CDK14: variants seen among roughly 807,000 people sequenced by gnomAD.
CDK14 encodes the protein cyclin-dependent kinase 14.
CDK14 carries 34 observed loss-of-function variants against 60.7 expected under a neutral mutation model. That is an observed-to-expected ratio of 0.56 (90% confidence interval 0.43 to 0.75). The LOEUF (loss-of-function observed/expected upper bound fraction) is 0.75, where lower values mean the gene tolerates loss of function less well. Ranked by LOEUF, CDK14 falls within the 30% of genes least tolerant of loss-of-function variation. CDK14 has a pLI of 0.00. For missense variants in CDK14, 482 were observed against 564.1 expected, an observed-to-expected ratio of 0.85 and a Z score of 1.47; for synonymous variants, 197 against 203.7, an observed-to-expected ratio of 0.97 and a Z score of 0.28.
At chr7:90,619,943 C>T (rs960623013) in intron 2 of CDK14, among the ~76,000 whole-genome samples, 6 of 152,208 alleles carry the variant, frequency 3.9e-5, no homozygotes, top group African/African-American at 1.4e-4. Flanking sequence ...TTGTAGTGAG[C>T]CGAGATTGTG....
intron 5 of CDK14, among the ~76,000 whole-genome samples, chr7:90,830,531 C>G (rs1404370085): frequency 1.3e-5 from 2 of 152,196 alleles, no homozygotes; most frequent in Non-Finnish European, 2.9e-5. Context: ...GCCCTGGATA[C>G]GTTTTCCCCA....
intron 8 of CDK14, among the ~76,000 whole-genome samples, chr7:90,921,500 C>T (rs1793250299): frequency 2.6e-5 from 4 of 151,836 alleles, no homozygotes; most frequent in East Asian, 1.9e-4. Flanking sequence ...TTGGAAGTTC[C>T]GTGAAGGCGG....
In CDK14 at chr7:90,782,133, A is replaced by G. The variant is rs1483391676; in HGVS notation, c.465-8440A>G. ...AGTTCTCCTTGAAGAGGTCCTTCAC[A>G]TCCCTTGTAAGTTGGATTCCTAGGT... On this transcript the variant is annotated intron_variant, in intron 4 of 14. Coordinates refer to ENST00000380050, the MANE Select transcript of CDK14 (RefSeq NM_001287135.2). 1.3e-4 allele frequency among the ~76,000 whole-genome samples: 20 copies of G among 152,048 alleles called. 2 individuals are homozygous for G. The highest frequency in any genetic ancestry group is 2.1e-4 in the Non-Finnish European group (14 of 67,916).
At position 90,638,657 on chromosome 7, in the gene CDK14, C is replaced by A. The variant is rs556219434; in HGVS notation, c.123+34408C>A. Among the ~76,000 whole-genome samples the A allele has an allele frequency of 4.6e-5, 7 of 152,250 alleles. No individual in the cohort carries two copies. In the South Asian group the frequency reaches 1.0e-3, roughly 23 times the overall value. On this transcript the variant is annotated intron_variant, in intron 2 of 14. Coordinates refer to ENST00000380050, the MANE Select transcript of CDK14 (RefSeq NM_001287135.2). The stretch of plus-strand genomic sequence containing the variant: ...TATCTTTGTGGCGTTCTCTGTATTT[C>A]CTGAATCTGAACGTTGGCCTGCCTT...
chr7:91,031,679 A>C (rs1211301048), intron 10 of CDK14, among the ~76,000 whole-genome samples: 1 of 152,218 alleles, frequency 6.6e-6, no homozygotes, highest in Non-Finnish European at 1.5e-5. Flanking sequence ...ATTAAAATAA[A>C]ATTCCCTGCA....
intron 5 of CDK14, among the ~76,000 whole-genome samples, chr7:90,849,626 G>A (rs1790580779): frequency 1.3e-5 from 2 of 151,994 alleles, no homozygotes; most frequent in Admixed American, 6.5e-5. Flanking sequence ...GAAGGGGCCA[G>A]TTGTGTAGCT....
At chr7:91,014,559 A>G (rs1796249045) in intron 10 of CDK14, among the ~76,000 whole-genome samples, 2 of 152,160 alleles carry the variant, frequency 1.3e-5, no homozygotes, top group Admixed American at 1.3e-4. Flanking sequence ...TTTTTATTAG[A>G]AGACTATGTT....
chr7:90,817,535 G>T (rs1300752304), intron 5 of CDK14, among the ~76,000 whole-genome samples: 1 of 152,052 alleles, frequency 6.6e-6, no homozygotes, highest in Non-Finnish European at 1.5e-5. Flanking sequence ...AAATTATTTA[G>T]GATTATAAAA....
chr7:90,876,489 A>C (rs979344651), intron 6 of CDK14, among the ~76,000 whole-genome samples: 2 of 152,258 alleles, frequency 1.3e-5, no homozygotes, highest in Admixed American at 6.5e-5. Context: ...TTCGACTTCC[A>C]TATATAGACT....
chr7:90,740,576 G>T (rs1048796271), intron 3 of CDK14, among the ~76,000 whole-genome samples: 2 of 152,102 alleles, frequency 1.3e-5, no homozygotes, highest in African/African-American at 4.8e-5. Context: ...CAACGTGAGA[G>T]GACTCAGGAG....
intron 9 of CDK14, among the ~76,000 whole-genome samples, chr7:90,960,118 G>A (rs1048816756): frequency 3.9e-5 from 6 of 151,958 alleles, no homozygotes; most frequent in African/African-American, 9.7e-5. Context: ...AAGCTGTTGA[G>A]GTCATTGTTC....
chr7:90,971,097 G>T (rs1047414713), intron 9 of CDK14, among the ~76,000 whole-genome samples: 1 of 148,318 alleles, frequency 6.7e-6, no homozygotes, highest in East Asian at 2.1e-4. Context: ...AACAGTCCCC[G>T]GTGTGTGTCC....
At chr7:90,619,737 T>C (rs1349877095) in intron 2 of CDK14, among the ~76,000 whole-genome samples, 1 of 152,210 alleles carries the variant, frequency 6.6e-6, no homozygotes, top group Non-Finnish European at 1.5e-5. Flanking sequence ...GGCTCACACC[T>C]GTAATCCCAG....
At chr7:90,696,495 C>G (rs990451850) in intron 2 of CDK14, among the ~76,000 whole-genome samples, 1 of 151,982 alleles carries the variant, frequency 6.6e-6, no homozygotes, top group South Asian at 2.1e-4. Context: ...CATGCACCAC[C>G]ATGCCTGGTT....
At chr7:90,978,978 A>G (rs1407951767) in intron 9 of CDK14, among the ~76,000 whole-genome samples, 1 of 152,168 alleles carries the variant, frequency 6.6e-6, no homozygotes, top group African/African-American at 2.4e-5. Context: ...CAAGTGGAGC[A>G]TAACATAGGT....
chr7:90,844,412 G>A (rs766533719), intron 5 of CDK14, among the ~76,000 whole-genome samples: 5 of 152,152 alleles, frequency 3.3e-5, no homozygotes, highest in Non-Finnish European at 7.4e-5. Flanking sequence ...AACTAATACT[G>A]TGTTCGTCTG....
chr7:90,952,364 A>G (rs1188664673), intron 8 of CDK14, among the ~76,000 whole-genome samples: 1 of 152,150 alleles, frequency 6.6e-6, no homozygotes, highest in Non-Finnish European at 1.5e-5. Context: ...GAATTTTTTT[A>G]TTGGATAAGA....
intron 4 of CDK14, among the ~76,000 whole-genome samples, chr7:90,783,059 A>T (rs1805412671): frequency 1.3e-5 from 2 of 152,158 alleles, no homozygotes; most frequent in Admixed American, 1.3e-4. Flanking sequence ...TGGGTGGTTT[A>T]AAATTGCTGA....
intron 2 of CDK14, among the ~76,000 whole-genome samples, chr7:90,605,211 T>C (rs552160030): frequency 3.0e-4 from 46 of 152,372 alleles, no homozygotes; most frequent in Non-Finnish European, 5.3e-4. Flanking sequence ...CTGGCTGTGG[T>C]GCATGGCAGG....
Sources: gnomAD v4.1 joint callset for allele counts (sites outside exome capture counted in the v4.1 genomes callset) on GRCh38, gnomAD v4.1.1 for gene constraint, MANE v1.5 for transcripts, NCBI Gene and HGNC (gene_info 2026-07-23, HGNC 2026-07-21) for gene names.